CDK14: variants seen among roughly 807,000 people sequenced by gnomAD.
CDK14 encodes the protein cyclin dependent kinase 14.
A neutral mutation model predicts 60.7 loss-of-function variants in CDK14; 34 were observed. The observed-to-expected ratio is 0.56, with a 90% CI of 0.43 to 0.75. CDK14 has a LOEUF of 0.75. Ranked by LOEUF, CDK14 falls within the 30% of genes least tolerant of loss-of-function variation. The pLI is 0.00. For missense variants in CDK14, 482 were observed against 564.1 expected, an observed-to-expected ratio of 0.85 and a Z score of 1.47; for synonymous variants, 197 against 203.7, an observed-to-expected ratio of 0.97 and a Z score of 0.28.
intron 2 of CDK14, among the ~76,000 whole-genome samples, chr7:90,621,512 C>T (rs1405900734): frequency 6.6e-6 from 1 of 152,196 alleles, no homozygotes; most frequent in African/African-American, 2.4e-5. Flanking sequence ...CAGAACAGTC[C>T]TTTGCACCTA....
chr7:90,827,222 G>A (rs1789756422), intron 5 of CDK14, among the ~76,000 whole-genome samples: 1 of 151,950 alleles, frequency 6.6e-6, no homozygotes, highest in Non-Finnish European at 1.5e-5. Flanking sequence ...TTTCCTATTG[G>A]CTTCTTTCAT....
intron 11 of CDK14, among the ~76,000 whole-genome samples, chr7:91,068,877 GTC>G (rs942200131): frequency 4.2e-5 from 6 of 143,084 alleles, no homozygotes; most frequent in African/African-American, 1.6e-4. Context: ...CCTTCTGCCT[GTC>G]TCTGTCTCAG....
chr7:90,946,086 A>G (rs6971336), intron 8 of CDK14, among the ~76,000 whole-genome samples: 126,278 of 152,122 alleles, frequency 0.83, 52,565 homozygotes, highest in East Asian at 0.95. Context: ...AGGCAGAATG[A>G]ACAGAACTTT....
At chr7:90,945,270 T>G (rs1794067315) in intron 8 of CDK14, among the ~76,000 whole-genome samples, 1 of 152,218 alleles carries the variant, frequency 6.6e-6, no homozygotes, top group Admixed American at 6.5e-5. Context: ...ACTGTATGAT[T>G]AAGCATTTTT....
chr7:91,145,638 G>T (rs1800603304), intron 14 of CDK14, among the ~76,000 whole-genome samples: 1 of 152,160 alleles, frequency 6.6e-6, no homozygotes, highest in Admixed American at 6.5e-5. Context: ...GGCTTGCCAG[G>T]CTGGTCACTC....
intron 10 of CDK14, among the ~76,000 whole-genome samples, chr7:91,011,716 A>G (rs561324768): frequency 6.6e-6 from 1 of 152,212 alleles, no homozygotes; most frequent in African/African-American, 2.4e-5. Context: ...TTCTTCTTCA[A>G]TATCTAATGT....
chr7:91,103,877 G>A (rs1799213944), intron 12 of CDK14, among the ~76,000 whole-genome samples: 1 of 150,784 alleles, frequency 6.6e-6, no homozygotes. Flanking sequence ...AGTGTGTATT[G>A]CATGGATAAG....
At chr7:90,653,813 C>T (rs756302627) in intron 2 of CDK14, among the ~76,000 whole-genome samples, 6 of 152,152 alleles carry the variant, frequency 3.9e-5, no homozygotes, top group Non-Finnish European at 7.3e-5. Context: ...TGCTATCCCT[C>T]CTTCTCCCCC....
chr7:90,637,297 C>G (rs1480012725), intron 2 of CDK14, among the ~76,000 whole-genome samples: 3 of 151,790 alleles, frequency 2.0e-5, no homozygotes, highest in Non-Finnish European at 2.9e-5. Context: ...CCTCTACACA[C>G]TGCTTTGAAT....
At chr7:91,123,863 A>G (rs1799859131) in intron 14 of CDK14, among the ~76,000 whole-genome samples, 1 of 152,176 alleles carries the variant, frequency 6.6e-6, no homozygotes, top group African/African-American at 2.4e-5. Context: ...ATAAAGTTGT[A>G]TCATGCTTCC....
intron 5 of CDK14, among the ~76,000 whole-genome samples, chr7:90,848,999 C>A (rs939711094): frequency 6.6e-6 from 1 of 152,200 alleles, no homozygotes; most frequent in Non-Finnish European, 1.5e-5. Flanking sequence ...ATAAAACCCA[C>A]TTTAAATTGT....
At chr7:90,615,781 G>C (rs1314463722) in intron 2 of CDK14, among the ~76,000 whole-genome samples, 1 of 152,126 alleles carries the variant, frequency 6.6e-6, no homozygotes, top group Non-Finnish European at 1.5e-5. Flanking sequence ...GTTCTATAAA[G>C]CAGTGATGGG....
At chr7:91,175,563 C>A (rs1344134883) in intron 14 of CDK14, among the ~76,000 whole-genome samples, 8 of 151,914 alleles carry the variant, frequency 5.3e-5, no homozygotes, top group Non-Finnish European at 1.5e-5. Flanking sequence ...TCAGGAAACC[C>A]ATCTCACGTG....
chr7:90,715,160 A>G (rs1584814488), intron 2 of CDK14, among the ~76,000 whole-genome samples: 1 of 152,034 alleles, frequency 6.6e-6, no homozygotes, highest in Non-Finnish European at 1.5e-5. Flanking sequence ...AGGTGTAGAC[A>G]TGAAGGAAGA....
intron 12 of CDK14, among the ~76,000 whole-genome samples, chr7:91,084,800 A>G (rs185231229): frequency 6.6e-6 from 1 of 152,178 alleles, no homozygotes; most frequent in Non-Finnish European, 1.5e-5. Context: ...ATTGCTTTTC[A>G]TCCTTTCAGA....
intron 4 of CDK14, among the ~76,000 whole-genome samples, chr7:90,764,578 G>C (rs1229342644): frequency 6.6e-6 from 1 of 152,144 alleles, no homozygotes; most frequent in Non-Finnish European, 1.5e-5. Context: ...GTAATTCAGT[G>C]CAAGATTGTA....
At chr7:90,640,122 C>G (rs376598378) in intron 2 of CDK14, among the ~76,000 whole-genome samples, 28 of 152,206 alleles carry the variant, frequency 1.8e-4, no homozygotes, top group South Asian at 1.7e-3. Context: ...GTGCGCTGCA[C>G]CCACTGTCCT....
chr7:90,784,209 A>C (rs919156883), intron 4 of CDK14, among the ~76,000 whole-genome samples: 3 of 152,200 alleles, frequency 2.0e-5, no homozygotes, highest in Non-Finnish European at 4.4e-5. Flanking sequence ...CATATATGGG[A>C]ACTAAAAAAT....
intron 6 of CDK14, among the ~76,000 whole-genome samples, chr7:90,892,614 C>A (rs1792169870): frequency 1.3e-5 from 2 of 152,154 alleles, no homozygotes; most frequent in Non-Finnish European, 2.9e-5. Flanking sequence ...ACAGTCTAAA[C>A]CTCATAAACT....
Sources: gnomAD v4.1 joint callset for allele counts (sites outside exome capture counted in the v4.1 genomes callset) on GRCh38, gnomAD v4.1.1 for gene constraint, MANE v1.5 for transcripts, NCBI Gene and HGNC (gene_info 2026-07-23, HGNC 2026-07-21) for gene names.